NR3C1: variants seen among roughly 807,000 people sequenced by gnomAD.
NR3C1 encodes glucocorticoid receptor.
A neutral mutation model predicts 74.0 loss-of-function variants in NR3C1; 14 were observed. The observed-to-expected ratio is 0.19, with a 90% CI of 0.12 to 0.30. The LOEUF is 0.30. Ranked by LOEUF, NR3C1 falls within the 10% of genes least tolerant of loss-of-function variation. The pLI is 1.00. For synonymous variants in NR3C1, 308 were observed against 332.5 expected, an observed-to-expected ratio of 0.93 and a Z score of 0.80; for missense variants, 695 against 909.8, an observed-to-expected ratio of 0.76 and a Z score of 3.04.
intron 2 of NR3C1, among the ~76,000 whole-genome samples, chr5:143,337,294 A>G (rs1412543382): frequency 2.0e-5 from 3 of 152,232 alleles, no homozygotes; most frequent in Non-Finnish European, 4.4e-5. Flanking sequence ...AATGCAAATT[A>G]AAACGACAAT....
At chr5:143,321,027 C>T (rs1215943568) in intron 2 of NR3C1, among the ~76,000 whole-genome samples, 1 of 152,096 alleles carries the variant, frequency 6.6e-6, no homozygotes, top group African/African-American at 2.4e-5. Context: ...ACTTTTTGAT[C>T]GCATAGTTAT....
At chr5:143,435,142 C>G (rs1016018331) in exon 1 of NR3C1, 1 of 985,426 alleles carries the variant, frequency 1.0e-6, no homozygotes, top group Non-Finnish European at 1.2e-6. Flanking sequence ...TGAATGCGTG[C>G]ATATTCACAC....
At chr5:143,407,859 A>G (rs1490320451), upstream of NR3C1, among the ~76,000 whole-genome samples, 1 of 152,194 alleles carries the variant, frequency 6.6e-6, no homozygotes, top group Non-Finnish European at 1.5e-5. Context: ...TATATACAAT[A>G]ACTCTTGATT....
intron 2 of NR3C1, among the ~76,000 whole-genome samples, chr5:143,358,825 G>A (rs533974934): frequency 6.6e-5 from 10 of 150,434 alleles, no homozygotes; most frequent in South Asian, 2.1e-4. Context: ...ACTTAAACCC[G>A]GGAGGCAGAG....
At chr5:143,320,367 A>C (rs1300346070) in intron 2 of NR3C1, among the ~76,000 whole-genome samples, 3 of 152,178 alleles carry the variant, frequency 2.0e-5, no homozygotes, top group Non-Finnish European at 4.4e-5. Flanking sequence ...TCTTATTAAG[A>C]TAGTTCATCC....
rs6191 is a variant in NR3C1, at chr5:143,278,591, C to A, written c.*3298G>T. On this transcript the variant is annotated 3_prime_UTR_variant, in exon 9 of 9. Transcript: ENST00000394464. ...GACACTAAAACCAGACACACACACACAAAAACACATTCACCTACAGCTACA... is the reference window on the plus strand; with the variant it reads ...GACACTAAAACCAGACACACACACAAAAAAACACATTCACCTACAGCTACA... The A allele has an allele frequency of 0.48, 72,248 of 151,876 alleles. 17,727 individuals are homozygous for A. The highest frequency in any genetic ancestry group is 0.59 in the Middle Eastern group (172 of 294). 9.4% of individuals were successfully genotyped at this position (151,876 alleles called of 1,614,324 possible). A position where few individuals can be genotyped will look rare whatever the true frequency, so the allele number is the denominator to read the frequency against.
At chr5:143,425,072 A>T (rs1275492290) in intron 1 of NR3C1, among the ~76,000 whole-genome samples, 1 of 152,212 alleles carries the variant, frequency 6.6e-6, no homozygotes. Context: ...GGTAGAATTG[A>T]GAGTCCAGAA....
upstream of NR3C1, chr5:143,405,325 C>G: frequency 2.0e-6 from 2 of 985,634 alleles, no homozygotes; most frequent in South Asian, 4.7e-5. Flanking sequence ...GCCACAGCCA[C>G]TCTCTCACCT....
chr5:143,404,599 CTCCCGCCCA>C, upstream of NR3C1: 1 of 881,204 alleles, frequency 1.1e-6, no homozygotes, highest in East Asian at 1.2e-4. Flanking sequence ...ACCCCCACCC[CTCCCGCCCA>C]ATGTGCTCAC....
Position 143,300,412 on chromosome 5 carries a change from T to C in NR3C1, c.1747+73A>G, listed in dbSNP as rs1019680682. 6.3e-6 allele frequency: 10 copies of C among 1,594,334 alleles called. No individual in the cohort carries two copies. The African/African-American group carries it at 1.3e-4, about 21-fold the overall frequency. ...GATAAGCCATGGGCTCACGATGATA[T>C]AAAAGCCAAAGTGTTTTTGCTGAAG... On this transcript the variant is annotated intron_variant, in intron 5 of 8. Coordinates refer to ENST00000394464, the MANE Select transcript of NR3C1 (RefSeq NM_000176.3). This position sits in a 1 kb window ranked among gnomAD's most constrained non-coding sequence, Gnocchi z 5.2.
At chr5:143,295,670 A>C (rs1482183978) in intron 6 of NR3C1, 80 bp from the exon 7 acceptor site, 1 of 1,153,358 alleles carries the variant, frequency 8.7e-7, no homozygotes, top group Non-Finnish European at 1.3e-6. Context: ...TTTGTTTTGC[A>C]AAACTATGAA....
In NR3C1 at chr5:143,281,390, A is replaced by G. The variant is rs1813068639; in HGVS notation, c.*499T>C. On this transcript the variant is annotated 3_prime_UTR_variant, in exon 9 of 9. Transcript: ENST00000394464. ...GTTAAAACCAGACAGTAATAGCTATAAAAGGCACAACTTCCCTTTTCTGAT... is the reference window on the plus strand; with the variant it reads ...GTTAAAACCAGACAGTAATAGCTATGAAAGGCACAACTTCCCTTTTCTGAT... 6.3e-6 allele frequency: 1 copy of G among 159,476 alleles called. No homozygotes were observed. The highest frequency in any genetic ancestry group is 2.4e-5 in the African/African-American group (1 of 41,474). The allele number at this position is 159,476 out of a possible 1,614,324, so 9.9% of individuals were successfully genotyped here.
rs117880337 is a variant in NR3C1 at position 143,380,975 on chromosome 5, G to A, written c.1184+18681C>T. ...TAATCAGACAAGAGAAAGATATAAA[G>A]GGAATCCAAAATGGAATGGAAGAAG... On this transcript the variant is annotated intron_variant, in intron 2 of 8. Transcript: ENST00000394464. Among the ~76,000 whole-genome samples, 156 of 152,144 alleles carry A rather than the reference G, an allele frequency of 1.0e-3. 3 individuals are homozygous for A. In the East Asian group the frequency reaches 0.022, roughly 22 times the overall value.
At chr5:143,341,356 T>C (rs867516530) in intron 2 of NR3C1, among the ~76,000 whole-genome samples, 4 of 152,226 alleles carry the variant, frequency 2.6e-5, no homozygotes, top group Non-Finnish European at 5.9e-5. Context: ...CCCCATGGCT[T>C]ATAGCAAAAG....
intron 2 of NR3C1, among the ~76,000 whole-genome samples, chr5:143,366,089 T>C (rs1833124703): frequency 6.6e-6 from 1 of 152,024 alleles, no homozygotes; most frequent in African/African-American, 2.4e-5. Flanking sequence ...AACTTAATTA[T>C]CCACCTTAAG....
chr5:143,297,967 G>C (rs1020498259), intron 6 of NR3C1, among the ~76,000 whole-genome samples: 5 of 152,158 alleles, frequency 3.3e-5, no homozygotes, highest in African/African-American at 1.2e-4. Context: ...TGTGTACTGG[G>C]GAGATATGTG....
chr5:143,308,187 G>A (rs781747843), intron 4 of NR3C1, among the ~76,000 whole-genome samples: 2 of 152,154 alleles, frequency 1.3e-5, no homozygotes, highest in Non-Finnish European at 2.9e-5. Context: ...TAGGTCAGTT[G>A]CAGTGGCTCA....
intron 2 of NR3C1, among the ~76,000 whole-genome samples, chr5:143,361,161 T>A (rs962601536): frequency 1.3e-5 from 2 of 152,202 alleles, no homozygotes; most frequent in African/African-American, 4.8e-5. Context: ...TAGATTAAGC[T>A]AGCTTATTCA....
intron 7 of NR3C1, among the ~76,000 whole-genome samples, chr5:143,286,152 C>G (rs1325213638): frequency 6.6e-6 from 1 of 152,006 alleles, no homozygotes; most frequent in Non-Finnish European, 1.5e-5. Flanking sequence ...TGTAAACCAA[C>G]AAAGCTCACT....
Sources: gnomAD v4.1 joint callset for allele counts (sites outside exome capture counted in the v4.1 genomes callset) on GRCh38, gnomAD v4.1.1 for gene constraint, Gnocchi (gnomAD v3.1) non-coding constraint, MANE v1.5 for transcripts, NCBI Gene and HGNC (gene_info 2026-07-23, HGNC 2026-07-21) for gene names.